The following RNF144B variants were observed in gnomAD, a reference collection of about 807,000 sequenced individuals.
RNF144B encodes the protein E3 ubiquitin-protein ligase RNF144B.
In RNF144B, 25 loss-of-function variants were observed where a neutral mutation model predicts 40.2. That is an observed-to-expected ratio of 0.62 (90% CI 0.45 to 0.87). The LOEUF (loss-of-function observed/expected upper bound fraction) is 0.87, where lower values mean the gene tolerates loss of function less well. RNF144B is among the 40% of genes least tolerant of loss of function. The probability of loss-of-function intolerance (pLI) is 0.00; values close to 1 mark genes in which losing one functional copy is unlikely to be tolerated. For synonymous variants in RNF144B, 145 were observed against 136.3 expected (o/e 1.06, Z -0.44); for missense variants, 365 against 373.7 (o/e 0.98, Z 0.19).
chr6:18,454,698 A>G (rs1291788287), intron 4 of RNF144B, among the ~76,000 whole-genome samples: 2 of 152,192 alleles, frequency 1.3e-5, no homozygotes, highest in Non-Finnish European at 2.9e-5. Context: ...ACTGCTTACT[A>G]AGGTCCTTTC....
intron 1 of RNF144B, among the ~76,000 whole-genome samples, chr6:18,388,842 G>A (rs948556471): frequency 6.6e-6 from 1 of 150,874 alleles, no homozygotes; most frequent in Non-Finnish European, 1.5e-5. Context: ...CATAAACTTA[G>A]AAAAGTGGGA....
At chr6:18,411,687 A>G (rs1795051183) in intron 2 of RNF144B, among the ~76,000 whole-genome samples, 1 of 151,248 alleles carries the variant, frequency 6.6e-6, no homozygotes, top group African/African-American at 2.4e-5. Flanking sequence ...TATTTTTAGT[A>G]CAGAGGGGGT....
At chr6:18,394,350 A>G (rs1794647644) in intron 1 of RNF144B, among the ~76,000 whole-genome samples, 1 of 152,228 alleles carries the variant, frequency 6.6e-6, no homozygotes, top group Admixed American at 6.5e-5. Context: ...CTGTAATCCC[A>G]GCACTTTGGG....
At chr6:18,401,870 C>A (rs1794808842) in intron 2 of RNF144B, 1 of 91,162 alleles carries the variant, frequency 1.1e-5, no homozygotes, top group Non-Finnish European at 2.6e-5. Flanking sequence ...AGGGAGTATC[C>A]ACATGTAATG....
Position 18,410,096 on chromosome 6 carries a change from G to A in RNF144B, c.165+10397G>A, listed in dbSNP as rs1795004915. Among the ~76,000 whole-genome samples, 1 of 152,180 alleles carries A rather than the reference G, an allele frequency of 6.6e-6. No homozygotes were observed. Among genetic ancestry groups the A allele is most frequent in the African/African-American group, 2.4e-5 (1 of 41,432 alleles). On this transcript the variant is annotated intron_variant, in intron 2 of 7. Coordinates refer to ENST00000259939, the MANE Select transcript of RNF144B (RefSeq NM_182757.4). The surrounding 1 kb of genome is among the most constrained non-coding windows in gnomAD (Gnocchi z 4.6). Reference sequence around the variant, plus strand: ...TCAAACCACATATCAGAATGTAATAGGCTGGCCAAACATGCAAATCATGAC... The same window carrying A: ...TCAAACCACATATCAGAATGTAATAAGCTGGCCAAACATGCAAATCATGAC...
rs1268826293 is a variant in RNF144B at position 18,418,466 on chromosome 6, A to G, written c.166-9115A>G. Among the ~76,000 whole-genome samples the G allele has an allele frequency of 1.3e-5, 2 of 152,216 alleles. No homozygotes were observed. The highest frequency in any genetic ancestry group is 2.9e-5 in the Non-Finnish European group (2 of 68,032). On this transcript the variant is annotated intron_variant, in intron 2 of 7. Transcript: ENST00000259939. The surrounding 1 kb of genome is among the most constrained non-coding windows in gnomAD (Gnocchi z 5.2). ...CATTATGCTAAGTGAAGCCATTGAC[A>G]AAGGACCATATATTGTATCATTCCA...
rs983575327 is a variant in RNF144B, at chr6:18,400,048, G to T, written c.165+349G>T. On this transcript the variant is annotated intron_variant, in intron 2 of 7. Transcript: ENST00000259939. This position sits in a 1 kb window ranked among gnomAD's most constrained non-coding sequence, Gnocchi z 5.6. ...GCACTTTGGGAGGCCGAGGCGGGCG[G>T]ATCACAAGGTCAGAAGATCGAGACC... 2.0e-5 allele frequency among the ~76,000 whole-genome samples: 3 copies of T among 152,088 alleles called. No homozygotes were observed. The highest frequency in any genetic ancestry group is 4.4e-5 in the Non-Finnish European group (3 of 68,006).
In RNF144B at chr6:18,450,134, G is replaced by A. The variant is rs566816575; in HGVS notation, c.332-7021G>A. 6.2e-4 allele frequency among the ~76,000 whole-genome samples: 95 copies of A among 152,248 alleles called. No individual in the cohort carries two copies. The highest frequency in any genetic ancestry group is 2.1e-3 in the African/African-American group (89 of 41,558). The stretch of plus-strand genomic sequence containing the variant: ...TTTTGGTTTCTCCTCTTTTTGTGCT[G>A]TGCAAATTCTGCACTTTCCCAGACT... On this transcript the variant is annotated intron_variant, in intron 4 of 7. Coordinates refer to ENST00000259939, the MANE Select transcript of RNF144B (RefSeq NM_182757.4). This position sits in a 1 kb window ranked among gnomAD's most constrained non-coding sequence, Gnocchi z 4.7.
In RNF144B at chr6:18,395,661, C is replaced by T. The variant is rs1183035568; in HGVS notation, c.-36-3838C>T. Among the ~76,000 whole-genome samples, 1 of 151,074 alleles carries T rather than the reference C, an allele frequency of 6.6e-6. No homozygotes were observed. Among genetic ancestry groups the T allele is most frequent in the African/African-American group, 2.4e-5 (1 of 40,996 alleles). ...TGTTGGTTTTGCCCAAAGTGAGAAA[C>T]GAAAGGGTTGGTTTTTAGTCTGTGC... On this transcript the variant is annotated intron_variant, in intron 1 of 7. Coordinates refer to ENST00000259939, the MANE Select transcript of RNF144B (RefSeq NM_182757.4). The surrounding 1 kb of genome is among the most constrained non-coding windows in gnomAD (Gnocchi z 4.5).
In RNF144B at chr6:18,418,892, G is replaced by A. The variant is rs1477497903; in HGVS notation, c.166-8689G>A. ...TCTGAATTAATTGGTCTGTGGTATG[G>A]CCTGGGCATTGGACTTCTGGAAACC... On this transcript the variant is annotated intron_variant, in intron 2 of 7. Coordinates refer to ENST00000259939, the MANE Select transcript of RNF144B (RefSeq NM_182757.4). This position sits in a 1 kb window ranked among gnomAD's most constrained non-coding sequence, Gnocchi z 5.2. 6.6e-6 allele frequency among the ~76,000 whole-genome samples: 1 copy of A among 151,916 alleles called. No individual in the cohort carries two copies. The highest frequency in any genetic ancestry group is 2.4e-5 in the African/African-American group (1 of 41,366).
intron 4 of RNF144B, among the ~76,000 whole-genome samples, chr6:18,455,420 T>C (rs1481357040): frequency 1.3e-5 from 2 of 152,214 alleles, no homozygotes; most frequent in Non-Finnish European, 2.9e-5. Flanking sequence ...TATTGGAACA[T>C]TTCAGACTTT....
In RNF144B at chr6:18,459,527, A is replaced by T. The variant is rs1385353047; in HGVS notation, c.537-80A>T. 12 of 1,439,496 alleles carry T rather than the reference A, an allele frequency of 8.3e-6. No homozygotes were observed. In the Admixed American group the frequency reaches 2.2e-4, roughly 27 times the overall value. The allele number at this position is 1,439,496 out of a possible 1,614,324, so 89.2% of individuals were successfully genotyped here. A position where few individuals can be genotyped will look rare whatever the true frequency, so the allele number is the denominator to read the frequency against. ...ATTAAGCATGGATAACTGTGAGTTC[A>T]TTATCTAACCATCAGGAGCCCTGGG... On this transcript the variant is annotated intron_variant, in intron 5 of 7. Coordinates refer to ENST00000259939, the MANE Select transcript of RNF144B (RefSeq NM_182757.4). The surrounding 1 kb of genome is among the most constrained non-coding windows in gnomAD (Gnocchi z 4.2).
chr6:18,407,970 C>CTT (rs1246697498), intron 2 of RNF144B, among the ~76,000 whole-genome samples: 1 of 18,560 alleles, frequency 5.4e-5, no homozygotes, highest in Non-Finnish European at 1.6e-4. Flanking sequence ...TTTTCTTTTT[C>CTT]TTTCTTTCTT....
Position 18,410,693 on chromosome 6 carries a change from T to TA in RNF144B, c.165+11001dup, listed in dbSNP as rs11383943. 0.062 allele frequency among the ~76,000 whole-genome samples: 9,387 copies of TA among 151,588 alleles called. 525 individuals are homozygous for TA. Among genetic ancestry groups the TA allele is most frequent in the East Asian group, 0.23 (1,164 of 5,124 alleles). On this transcript the variant is annotated intron_variant, in intron 2 of 7. Coordinates refer to ENST00000259939, the MANE Select transcript of RNF144B (RefSeq NM_182757.4). The surrounding 1 kb of genome is among the most constrained non-coding windows in gnomAD (Gnocchi z 4.6). ...AGATGGAGGGCCTGGTATGCTGTGTTAAAAAAACATTATGGAGCCACTGGA... is the reference window on the plus strand; with the variant it reads ...AGATGGAGGGCCTGGTATGCTGTGTTAAAAAAAACATTATGGAGCCACTGGA...
In RNF144B at chr6:18,400,385, T is replaced by C. The variant is rs1181791377; in HGVS notation, c.165+686T>C. Among the ~76,000 whole-genome samples the C allele has an allele frequency of 6.6e-6, 1 of 152,224 alleles. No homozygotes were observed. Among genetic ancestry groups the C allele is most frequent in the Non-Finnish European group, 1.5e-5 (1 of 68,034 alleles). On this transcript the variant is annotated intron_variant, in intron 2 of 7. Transcript: ENST00000259939. The surrounding 1 kb of genome is among the most constrained non-coding windows in gnomAD (Gnocchi z 5.6). ...TAGTAATTTACTTTATGTACTGAAT[T>C]TTCATTCATATACTTGTTCATCTTC... is the stretch of plus-strand genomic sequence containing the variant.
chr6:18,451,939 A>G (rs144685732), intron 4 of RNF144B, among the ~76,000 whole-genome samples: 1 of 152,318 alleles, frequency 6.6e-6, no homozygotes, highest in Non-Finnish European at 1.5e-5. Flanking sequence ...CAAATCGATG[A>G]CTTTCGAAAT....
Position 18,441,674 on chromosome 6 carries a change from G to A in RNF144B, c.331+1930G>A, listed in dbSNP as rs1043975313. 1.3e-5 allele frequency among the ~76,000 whole-genome samples: 2 copies of A among 152,068 alleles called. No homozygotes were observed. Among genetic ancestry groups the A allele is most frequent in the African/African-American group, 2.4e-5 (1 of 41,392 alleles). On this transcript the variant is annotated intron_variant, in intron 4 of 7. Coordinates refer to ENST00000259939, the MANE Select transcript of RNF144B (RefSeq NM_182757.4). This position sits in a 1 kb window ranked among gnomAD's most constrained non-coding sequence, Gnocchi z 4.9. ...TAAAGTTTTGGTTTATTTTAAAATC[G>A]TAGCTAAGACCCTGAGTGCAATTGC...
At chr6:18,392,016 G>A (rs1044011358) in intron 1 of RNF144B, among the ~76,000 whole-genome samples, 2 of 137,038 alleles carry the variant, frequency 1.5e-5, no homozygotes, top group Non-Finnish European at 3.1e-5. Flanking sequence ...TGGCTAACAT[G>A]GTGAAACCCC....
At chr6:18,426,127 C>A (rs894241552) in intron 2 of RNF144B, among the ~76,000 whole-genome samples, 1 of 152,098 alleles carries the variant, frequency 6.6e-6, no homozygotes, top group African/African-American at 2.4e-5. Context: ...AATATTCTGA[C>A]CCTAGAATTT....
Sources: gnomAD v4.1 joint callset for allele counts (sites outside exome capture counted in the v4.1 genomes callset) on GRCh38, gnomAD v4.1.1 for gene constraint, Gnocchi (gnomAD v3.1) non-coding constraint, MANE v1.5 for transcripts, NCBI Gene and HGNC (gene_info 2026-07-23, HGNC 2026-07-21) for gene names.